RNF169: variants seen among roughly 807,000 people sequenced by gnomAD.
The protein encoded by RNF169 is E3 ubiquitin-protein ligase RNF169.
RNF169 carries 24 observed loss-of-function variants against 53.9 expected under a neutral mutation model. That is an observed-to-expected ratio of 0.45 (90% CI 0.32 to 0.63). The LOEUF is 0.63. RNF169 is among the 20% of genes least tolerant of loss of function. The pLI, the probability that RNF169 is intolerant of heterozygous loss-of-function variation, is 0.04. For missense variants in RNF169, 883 were observed against 906.2 expected, an observed-to-expected ratio of 0.97 and a Z score of 0.33; for synonymous variants, 396 against 363.5, an observed-to-expected ratio of 1.09 and a Z score of -1.02.
Position 74,834,703 on chromosome 11 carries a change from T to C in RNF169, c.870T>C (p.Ser290=). The change falls in exon 5 of 6, where the codon AGT becomes AGC. Residue 290 remains serine (S), a synonymous_variant. Transcript: ENST00000299563. ...AGKLNSKVER[S]QSCSDTAQER... ...AGCTAAACTCCAAGGTGGAAAGGAG[T>C]CAGAGCTGTAGTGACACAGCCCAGG... 1 of 1,612,770 alleles carries C rather than the reference T, an allele frequency of 6.2e-7. No individual in the cohort carries two copies. The highest frequency in any genetic ancestry group is 1.7e-4 in the Middle Eastern group (1 of 6,054).
At chr11:74,763,651 T>C (rs1347984833) in intron 1 of RNF169, among the ~76,000 whole-genome samples, 1 of 148,892 alleles carries the variant, frequency 6.7e-6, no homozygotes, top group Non-Finnish European at 1.5e-5. Context: ...AGAATACAAA[T>C]AAAGCAAAAT....
Position 74,835,796 on chromosome 11 carries a change from A to G in RNF169, c.1193A>G (p.Asp398Gly). The G allele has an allele frequency of 1.2e-6, 2 of 1,614,188 alleles. No individual in the cohort carries two copies. The highest frequency in any genetic ancestry group is 1.7e-6 in the Non-Finnish European group (2 of 1,180,026). The change falls in exon 6 of 6, where the codon GAT becomes GGT. Residue 398 changes from aspartate to glycine, a missense_variant. Asp to Gly is a moderately conservative substitution (Grantham distance 94). This residue lies in a region of RNF169 where 219 missense variants were observed against 289.1 expected (regional missense o/e 0.76). Transcript: ENST00000299563. ...SPCTPPKRLP[D>G]GRVLSPLIIK... ...TGTACTCCTCCCAAGAGACTCCCTG[A>G]TGGCCGTGTGCTAAGTCCTCTCATC...
intron 2 of RNF169, among the ~76,000 whole-genome samples, chr11:74,794,794 A>C (rs1387456731): frequency 6.6e-6 from 1 of 152,144 alleles, no homozygotes. Context: ...AATACTTCAG[A>C]GAAGCTAGGT....
At chr11:74,825,128 G>T (rs1238711696) in intron 4 of RNF169, among the ~76,000 whole-genome samples, 2 of 151,884 alleles carry the variant, frequency 1.3e-5, no homozygotes, top group Non-Finnish European at 2.9e-5. Context: ...ATTATATAAT[G>T]ATAAAAGGAT....
Position 74,748,896 on chromosome 11 carries a change from C to G in RNF169, c.16C>G (p.Pro6Ala). The change falls in exon 1 of 6, where the codon CCG (proline) becomes GCG (alanine). Residue 6 changes from proline (P) to alanine (A), a missense_variant. Pro to Ala is a conservative substitution (Grantham distance 27). Coordinates refer to ENST00000299563, the MANE Select transcript of RNF169 (RefSeq NM_001098638.2). Reference sequence around the variant, plus strand: ...GGGAAACAAGATGGCGGCTGCAGGTCCGAGTACTCGGGCCTCTTCCGCGGC... The same window carrying G: ...GGGAAACAAGATGGCGGCTGCAGGTGCGAGTACTCGGGCCTCTTCCGCGGC... MAAAGPSTRASSAAAA... is the reference protein window; with the variant it reads MAAAGASTRASSAAAA... 2.1e-6 allele frequency: 3 copies of G among 1,435,914 alleles called. No individual in the cohort carries two copies. The highest frequency in any genetic ancestry group is 2.8e-6 in the Non-Finnish European group (3 of 1,083,292). 88.9% of individuals were successfully genotyped at this position (1,435,914 alleles called of 1,614,324 possible). A position where few individuals can be genotyped will look rare whatever the true frequency, so the allele number is the denominator to read the frequency against.
At chr11:74,778,819 G>A (rs999946010) in intron 1 of RNF169, among the ~76,000 whole-genome samples, 3 of 152,156 alleles carry the variant, frequency 2.0e-5, no homozygotes, top group Non-Finnish European at 4.4e-5. Context: ...GAATTTCTGA[G>A]TTGGCCACTC....
chr11:74,770,506 G>A (rs1351868933), intron 1 of RNF169, among the ~76,000 whole-genome samples: 3 of 152,112 alleles, frequency 2.0e-5, no homozygotes, highest in Admixed American at 6.5e-5. Flanking sequence ...TAAATTGTGG[G>A]GATACATGGT....
intron 4 of RNF169, among the ~76,000 whole-genome samples, chr11:74,825,951 G>T (rs1306582135): frequency 1.3e-5 from 2 of 152,176 alleles, no homozygotes; most frequent in Non-Finnish European, 2.9e-5. Flanking sequence ...AATCATGGCA[G>T]AAGTCAAAGC....
intron 2 of RNF169, among the ~76,000 whole-genome samples, chr11:74,801,521 C>T (rs986339265): frequency 7.2e-5 from 11 of 152,202 alleles, no homozygotes; most frequent in Non-Finnish European, 1.3e-4. Context: ...AAGCAGTGGT[C>T]TCCAACTTTT....
At chr11:74,798,718 C>G (rs548945822) in intron 2 of RNF169, among the ~76,000 whole-genome samples, 1 of 152,068 alleles carries the variant, frequency 6.6e-6, no homozygotes, top group Non-Finnish European at 1.5e-5. Flanking sequence ...TTGGGCATCA[C>G]GGAACCTACT....
At chr11:74,791,184 C>T (rs2035574568) in intron 2 of RNF169, among the ~76,000 whole-genome samples, 1 of 152,140 alleles carries the variant, frequency 6.6e-6, no homozygotes, top group African/African-American at 2.4e-5. Context: ...GTGGGTAGCT[C>T]CCCTACACAG....
chr11:74,817,810 T>C (rs2035958535), intron 4 of RNF169, 96 bp downstream of exon 4: 3 of 790,812 alleles, frequency 3.8e-6, no homozygotes, highest in Middle Eastern at 5.3e-4. Flanking sequence ...GTGGCTACTT[T>C]GGTGGGGAGG....
intron 2 of RNF169, among the ~76,000 whole-genome samples, chr11:74,793,138 T>A (rs1323790742): frequency 1.3e-5 from 2 of 152,216 alleles, no homozygotes; most frequent in African/African-American, 2.4e-5. Flanking sequence ...AGAGATTATA[T>A]GTTGTGATTC....
At chr11:74,764,633 A>G (rs1167414936) in intron 1 of RNF169, among the ~76,000 whole-genome samples, 2 of 152,246 alleles carry the variant, frequency 1.3e-5, no homozygotes, top group Non-Finnish European at 2.9e-5. Context: ...GTGCAGGAAG[A>G]AAGAAATGTA....
At chr11:74,775,036 A>G (rs921823899) in intron 1 of RNF169, among the ~76,000 whole-genome samples, 3 of 152,244 alleles carry the variant, frequency 2.0e-5, no homozygotes, top group African/African-American at 7.2e-5. Context: ...TCTTTGGAGG[A>G]ATTTGCAGTA....
intron 1 of RNF169, among the ~76,000 whole-genome samples, chr11:74,761,450 C>T (rs376852839): frequency 1.1e-4 from 17 of 148,338 alleles, no homozygotes; most frequent in South Asian, 2.2e-4. Flanking sequence ...CAGCTGGTAC[C>T]GGTTGTTCCT....
At chr11:74,762,583 G>A (rs1240374460) in intron 1 of RNF169, among the ~76,000 whole-genome samples, 9 of 152,144 alleles carry the variant, frequency 5.9e-5, no homozygotes, top group African/African-American at 1.7e-4. Context: ...CTTCTGCGTC[G>A]CTCACGCTGG....
intron 4 of RNF169, among the ~76,000 whole-genome samples, chr11:74,829,859 G>C (rs543576085): frequency 3.8e-4 from 58 of 152,266 alleles, no homozygotes; most frequent in African/African-American, 1.4e-3. Context: ...GCAGGAGAAT[G>C]GGGGTGGGAG....
intron 1 of RNF169, among the ~76,000 whole-genome samples, chr11:74,785,150 T>C (rs1199114206): frequency 7.2e-6 from 1 of 138,410 alleles, no homozygotes; most frequent in Non-Finnish European, 1.5e-5. Flanking sequence ...AGCTTCAACA[T>C]GTATTTTTAT....
Sources: allele counts gnomAD v4.1 joint callset (sites outside exome capture counted in the v4.1 genomes callset), GRCh38; gene constraint gnomAD v4.1.1; regional missense constraint gnomAD v4.1.1; transcripts MANE v1.5; gene names NCBI Gene and HGNC (gene_info 2026-07-23, HGNC 2026-07-21).